Variants in COL5A2 observed in about 807,000 individuals in gnomAD.
The protein encoded by COL5A2 is collagen alpha-2(V) chain.
COL5A2 carries 23 observed loss-of-function variants against 208.2 expected under a neutral mutation model. The ratio of observed to expected loss-of-function variants is 0.11; its 90% CI spans 0.08 to 0.16. The LOEUF is 0.16. COL5A2 is among the 10% of genes least tolerant of loss of function. The pLI is 1.00. For synonymous variants in COL5A2, 625 were observed against 628.5 expected (o/e 0.99, Z 0.08); for missense variants, 1,590 against 1,956.4 (o/e 0.81, Z 3.53).
At position 189,058,138 on chromosome 2, in the gene COL5A2, G is replaced by A. The variant is rs867994584; in HGVS notation, c.2229+291C>T. Among the ~76,000 whole-genome samples the A allele has an allele frequency of 5.9e-5, 9 of 152,154 alleles. No homozygotes were observed. In the Middle Eastern group the frequency reaches 0.01, roughly 173 times the overall value. On this transcript the variant is annotated intron_variant, in intron 33 of 53. Transcript: ENST00000374866. ...TATTTCTTTCCTCTGTTTATTCATAGAAGCCACTAATAAAATGTACATAAA... is the reference window on the plus strand; with the variant it reads ...TATTTCTTTCCTCTGTTTATTCATAAAAGCCACTAATAAAATGTACATAAA...
intron 47 of COL5A2, among the ~76,000 whole-genome samples, 177 bp from the exon 48 acceptor site, chr2:189,043,435 T>C (rs1685600832): frequency 6.6e-6 from 1 of 152,142 alleles, no homozygotes; most frequent in Non-Finnish European, 1.5e-5. Context: ...TTCTGTTTAT[T>C]TTTCCCAAAG....
chr2:189,096,361 A>G (rs539743504), intron 6 of COL5A2, among the ~76,000 whole-genome samples: 108 of 152,250 alleles, frequency 7.1e-4, no homozygotes, highest in African/African-American at 2.4e-3. Flanking sequence ...TATGAAAGAC[A>G]TTAGATTTTA....
At chr2:189,319,586 A>G in the COL5A2 span, among the ~76,000 whole-genome samples, 1 of 152,220 alleles carries the variant, frequency 6.6e-6, no homozygotes, top group Admixed American at 6.5e-5. Context: ...GCAGTCTGAG[A>G]TCAAACTGCA....
At chr2:189,120,672 A>T (rs1233562352) in intron 1 of COL5A2, among the ~76,000 whole-genome samples, 2 of 152,204 alleles carry the variant, frequency 1.3e-5, no homozygotes, top group Non-Finnish European at 2.9e-5. Flanking sequence ...AGACACCAAG[A>T]CAGTCTGGAT....
At chr2:189,183,720 T>C (rs1285354386), upstream of COL5A2, among the ~76,000 whole-genome samples, 1 of 152,188 alleles carries the variant, frequency 6.6e-6, no homozygotes, top group Non-Finnish European at 1.5e-5. Context: ...TTTCATTCAA[T>C]TACCCCTCTT....
chr2:189,260,420 T>C, the COL5A2 span, among the ~76,000 whole-genome samples: 1 of 152,252 alleles, frequency 6.6e-6, no homozygotes, highest in East Asian at 1.9e-4. Flanking sequence ...ATTAGTAAAG[T>C]CAGTCTCATG....
chr2:189,321,413 A>G, the COL5A2 span, among the ~76,000 whole-genome samples: 6 of 152,336 alleles, frequency 3.9e-5, no homozygotes, highest in African/African-American at 1.2e-4. Context: ...TGCTGTATTC[A>G]GGAAACCCAT....
intron 1 of COL5A2, among the ~76,000 whole-genome samples, chr2:189,115,303 C>T (rs374493274): frequency 6.6e-6 from 1 of 152,038 alleles, no homozygotes; most frequent in East Asian, 1.9e-4. Flanking sequence ...ACCAAATCCA[C>T]CATCTTATTA....
chr2:189,229,948 C>A (rs1689460370), upstream of COL5A2, among the ~76,000 whole-genome samples: 1 of 151,670 alleles, frequency 6.6e-6, no homozygotes. Flanking sequence ...TACAAAGCTA[C>A]AATAATCAAT....
intron 31 of COL5A2, among the ~76,000 whole-genome samples, chr2:189,059,584 G>GTTTTTTTTT (rs1559083852): frequency 9.4e-5 from 2 of 21,234 alleles, no homozygotes; most frequent in Non-Finnish European, 1.8e-4. Flanking sequence ...TTTCTTTTCT[G>GTTTTTTTTT]GTTTTTTTTT....
chr2:189,271,778 T>A, the COL5A2 span, among the ~76,000 whole-genome samples: 2,345 of 152,120 alleles, frequency 0.015, 55 homozygotes, highest in African/African-American at 0.054. Flanking sequence ...AGGGTTAATA[T>A]CCAGAATCTA....
Position 189,105,195 on chromosome 2 carries a change from C to T in COL5A2, c.323-918G>A, listed in dbSNP as rs908437045. On this transcript the variant is annotated intron_variant, in intron 2 of 53. Transcript: ENST00000374866. Reference sequence around the variant, plus strand: ...TTGTAATGAGTAATTGTTACGTATACGCTACATGCAAGTATATTTGTAAGA... The same window carrying T: ...TTGTAATGAGTAATTGTTACGTATATGCTACATGCAAGTATATTTGTAAGA... 1.1e-4 allele frequency among the ~76,000 whole-genome samples: 17 copies of T among 151,696 alleles called. No individual in the cohort carries two copies. The South Asian group carries it at 1.4e-3, about 13-fold the overall frequency.
intron 17 of COL5A2, among the ~76,000 whole-genome samples, chr2:189,075,022 G>A (rs548302764): frequency 1.1e-4 from 16 of 152,126 alleles, no homozygotes; most frequent in South Asian, 4.2e-4. Flanking sequence ...TATAGCTCTC[G>A]CCTCTCAATC....
chr2:189,320,377 G>A, the COL5A2 span, among the ~76,000 whole-genome samples: 4 of 152,296 alleles, frequency 2.6e-5, no homozygotes, highest in African/African-American at 9.6e-5. Context: ...CGAGCTAAAG[G>A]GGGAAGTTTG....
the COL5A2 span, among the ~76,000 whole-genome samples, chr2:189,246,193 AC>A: frequency 1.3e-5 from 2 of 152,274 alleles, no homozygotes; most frequent in African/African-American, 4.8e-5. Context: ...TTCAGTTCTC[AC>A]CCAGAATTAC....
the COL5A2 span, among the ~76,000 whole-genome samples, chr2:189,284,539 CA>C: frequency 6.6e-6 from 1 of 152,052 alleles, no homozygotes; most frequent in Non-Finnish European, 1.5e-5. Flanking sequence ...AACTCCATCA[CA>C]AGAACAGCAA....
At chr2:189,133,965 G>C (rs1390482090) in intron 1 of COL5A2, among the ~76,000 whole-genome samples, 1 of 151,958 alleles carries the variant, frequency 6.6e-6, no homozygotes, top group African/African-American at 2.4e-5. Context: ...GCAGTCCAGG[G>C]AGGACACAGC....
chr2:189,311,217 T>A, the COL5A2 span: 6 of 1,294,530 alleles, frequency 4.6e-6, no homozygotes, highest in African/African-American at 1.5e-5. Flanking sequence ...CTGAACTTTT[T>A]ATTGGCCTCC....
At chr2:189,242,686 T>A in the COL5A2 span, among the ~76,000 whole-genome samples, 1 of 152,214 alleles carries the variant, frequency 6.6e-6, no homozygotes, top group Non-Finnish European at 1.5e-5. Flanking sequence ...AGTTACCACA[T>A]GATATTAAGT....
Sources: gnomAD v4.1 joint callset for allele counts (sites outside exome capture counted in the v4.1 genomes callset) on GRCh38, gnomAD v4.1.1 for gene constraint, MANE v1.5 for transcripts, NCBI Gene and HGNC (gene_info 2026-07-23, HGNC 2026-07-21) for gene names.